The following SLC38A6 variants were observed in gnomAD, a reference collection of about 807,000 sequenced individuals.
SLC38A6 encodes N system amino acid transporter NAT-1.
In SLC38A6, 73 loss-of-function variants were observed where a neutral mutation model predicts 65.0. The ratio of observed to expected loss-of-function variants is 1.12; its 90% CI spans 0.93 to 1.37. SLC38A6 has a LOEUF of 1.37. Ranked by LOEUF, SLC38A6 falls within the 40% of genes most tolerant of loss-of-function variation. SLC38A6 has a pLI of 0.00. For synonymous variants in SLC38A6, 183 were observed against 178.8 expected (o/e 1.02, Z -0.19); for missense variants, 561 against 531.1 (o/e 1.06, Z -0.55).
At chr14:61,011,637 A>G (rs942850506) in intron 3 of SLC38A6, among the ~76,000 whole-genome samples, 4 of 152,182 alleles carry the variant, frequency 2.6e-5, no homozygotes, top group Non-Finnish European at 5.9e-5. Context: ...CTATTGAGAT[A>G]ATCATGTGGT....
chr14:60,990,797 C>T (rs1221522420), intron 3 of SLC38A6, among the ~76,000 whole-genome samples: 1 of 152,078 alleles, frequency 6.6e-6, no homozygotes, highest in Non-Finnish European at 1.5e-5. Flanking sequence ...TAACTAACCT[C>T]AGCCTCCTGA....
intron 15 of SLC38A6, chr14:61,073,996 G>A (rs915093460): frequency 6.6e-6 from 1 of 151,966 alleles, no homozygotes; most frequent in Non-Finnish European, 1.5e-5. Context: ...TGTTTCTCTA[G>A]CTTACTTTAT....
chr14:61,015,429 G>T (rs368045012), intron 3 of SLC38A6, among the ~76,000 whole-genome samples: 14 of 152,228 alleles, frequency 9.2e-5, no homozygotes, highest in Admixed American at 5.2e-4. Flanking sequence ...GATGAACCCG[G>T]TACCTCAGTT....
chr14:61,051,795 A>C lies in SLC38A6; in HGVS notation c.1059A>C (p.Lys353Asn). 1.2e-6 allele frequency: 2 copies of C among 1,611,788 alleles called. No homozygotes were observed. The highest frequency in any genetic ancestry group is 2.2e-5 in the South Asian group (2 of 90,854). Residue 353 changes from lysine to asparagine, a missense_variant, in exon 14 of 16, where the codon AAA becomes AAC. Coordinates refer to ENST00000267488, the MANE Select transcript of SLC38A6 (RefSeq NM_153811.3). ...ATTTTTCTGTAATACAGGCCAGAAA[A>C]GCTGTAACAATGATGTTTTTCTCCA... Reference protein sequence around the residue: ...TVPLIHFPARKAVTMMFFSNF... With the variant: ...TVPLIHFPARNAVTMMFFSNF...
intron 8 of SLC38A6, among the ~76,000 whole-genome samples, chr14:61,038,363 A>C (rs1463956470): frequency 6.6e-6 from 1 of 152,046 alleles, no homozygotes; most frequent in Non-Finnish European, 1.5e-5. Flanking sequence ...AACATTCTAA[A>C]GATAGTACCT....
intron 3 of SLC38A6, among the ~76,000 whole-genome samples, chr14:61,011,772 G>A (rs2039589801): frequency 6.6e-6 from 1 of 152,190 alleles, no homozygotes; most frequent in South Asian, 2.1e-4. Context: ...TGTGCTGCTG[G>A]ATTCAGTTTG....
At chr14:61,029,677 G>A (rs1471816909) in intron 5 of SLC38A6, among the ~76,000 whole-genome samples, 1 of 152,096 alleles carries the variant, frequency 6.6e-6, no homozygotes, top group African/African-American at 2.4e-5. Flanking sequence ...TTATTAAAGT[G>A]CTATAAAAGG....
chr14:61,075,499 T>C (rs531714905), intron 15 of SLC38A6, among the ~76,000 whole-genome samples: 31 of 152,306 alleles, frequency 2.0e-4, no homozygotes, highest in South Asian at 1.7e-3. Flanking sequence ...CTTTTCCTAA[T>C]TCTCAAAGTG....
intron 15 of SLC38A6, among the ~76,000 whole-genome samples, chr14:61,078,129 A>T (rs936699309): frequency 6.6e-6 from 1 of 152,252 alleles, no homozygotes; most frequent in Admixed American, 6.5e-5. Flanking sequence ...CATGTGCCAC[A>T]TGCACATGAG....
At chr14:61,077,213 T>C (rs1387026297) in intron 15 of SLC38A6, among the ~76,000 whole-genome samples, 2 of 152,224 alleles carry the variant, frequency 1.3e-5, no homozygotes, top group Non-Finnish European at 2.9e-5. Flanking sequence ...AGTGAAAACT[T>C]TCTCATAGAC....
At chr14:61,052,213 T>C (rs1253223336) in intron 15 of SLC38A6, 78 bp downstream of exon 15, 12 of 1,302,308 alleles carry the variant, frequency 9.2e-6, no homozygotes, top group Non-Finnish European at 1.3e-5. Context: ...TTTACCTGCA[T>C]CAAGAAAGTC....
chr14:61,061,826 T>TTTTTG (rs539694591), intron 15 of SLC38A6, among the ~76,000 whole-genome samples: 1,625 of 150,890 alleles, frequency 0.011, 26 homozygotes, highest in African/African-American at 0.037. Context: ...TGTGCAGGTT[T>TTTTTG]TTTTGTTTTG....
At chr14:60,990,450 G>A (rs564156456) in intron 3 of SLC38A6, among the ~76,000 whole-genome samples, 11 of 152,176 alleles carry the variant, frequency 7.2e-5, no homozygotes, top group Admixed American at 5.2e-4. Context: ...ATGTCTAACA[G>A]CTCAGATTTG....
intron 5 of SLC38A6, among the ~76,000 whole-genome samples, chr14:61,021,467 G>A (rs2040341963): frequency 6.6e-6 from 1 of 152,164 alleles, no homozygotes; most frequent in Non-Finnish European, 1.5e-5. Flanking sequence ...ACTAAGCTGT[G>A]TGATAATGAG....
At chr14:61,031,064 T>C (rs2040955206) in intron 6 of SLC38A6, 1 of 152,194 alleles carries the variant, frequency 6.6e-6, no homozygotes, top group Admixed American at 6.5e-5. Flanking sequence ...TTCCTGTTTT[T>C]GAACAATATT....
Position 61,019,591 on chromosome 14 carries a change from G to T in SLC38A6, c.403+11G>T. 6.2e-7 allele frequency: 1 copy of T among 1,612,336 alleles called. No homozygotes were observed. Among genetic ancestry groups the T allele is most frequent in the Non-Finnish European group, 8.5e-7 (1 of 1,178,556 alleles). On this transcript the variant is annotated intron_variant, in intron 5 of 15. Coordinates refer to ENST00000267488, the MANE Select transcript of SLC38A6 (RefSeq NM_153811.3). ...TTCAGAATATTGGAGGTAAGCAATT[G>T]CAAGTGCACTGTTTATACATAAATG...
At chr14:61,012,956 G>A (rs1232477346) in intron 3 of SLC38A6, among the ~76,000 whole-genome samples, 9 of 152,128 alleles carry the variant, frequency 5.9e-5, no homozygotes, top group African/African-American at 1.2e-4. Context: ...TTTCTGTCTC[G>A]TGGATCTGTC....
At chr14:60,999,425 A>G (rs2038543989) in intron 3 of SLC38A6, among the ~76,000 whole-genome samples, 1 of 152,140 alleles carries the variant, frequency 6.6e-6, no homozygotes, top group Admixed American at 6.6e-5. Context: ...TAAGGCAAAA[A>G]GGTTTTAAAA....
chr14:61,010,669 G>C (rs1335065176), intron 3 of SLC38A6, among the ~76,000 whole-genome samples: 1 of 152,092 alleles, frequency 6.6e-6, no homozygotes, highest in East Asian at 1.9e-4. Context: ...TTTTTCTCAG[G>C]TTTGTCAAAG....
Sources: allele counts gnomAD v4.1 joint callset (sites outside exome capture counted in the v4.1 genomes callset), GRCh38; gene constraint gnomAD v4.1.1; transcripts MANE v1.5; gene names NCBI Gene and HGNC (gene_info 2026-07-23, HGNC 2026-07-21).